Variants in PTBP2 observed in about 807,000 individuals in gnomAD.
PTBP2 encodes polypyrimidine tract-binding protein 2.
A neutral mutation model predicts 61.4 loss-of-function variants in PTBP2; 13 were observed. The ratio of observed to expected loss-of-function variants is 0.21; its 90% CI spans 0.14 to 0.34. The LOEUF (loss-of-function observed/expected upper bound fraction) is 0.34. PTBP2 is among the 10% of genes least tolerant of loss of function. The probability of loss-of-function intolerance (pLI) is 1.00; values close to 1 mark genes in which losing one functional copy is unlikely to be tolerated. For synonymous variants in PTBP2, 215 were observed against 218.5 expected, an observed-to-expected ratio of 0.98 and a Z score of 0.14; for missense variants, 405 against 642.6, an observed-to-expected ratio of 0.63 and a Z score of 4.00.
At position 96,751,552 on chromosome 1, in the gene PTBP2, T is replaced by A. The variant is rs1447019077; in HGVS notation, c.115+52T>A. ...TCATTTGCCATTTTAGGGGGCAGAA[T>A]GTTAAAACTCAAATTTAACCCTGTT... On this transcript the variant is annotated intron_variant, in intron 3 of 13. Transcript: ENST00000674951. The A allele has an allele frequency of 1.4e-5, 19 of 1,367,532 alleles. No individual in the cohort carries two copies. In the East Asian group the frequency reaches 4.4e-4, roughly 32 times the overall value. 84.7% of individuals were successfully genotyped at this position (1,367,532 alleles called of 1,614,324 possible).
intron 5 of PTBP2, among the ~76,000 whole-genome samples, chr1:96,775,513 G>A (rs1470014714): frequency 1.3e-5 from 2 of 152,150 alleles, no homozygotes; most frequent in Non-Finnish European, 2.9e-5. Context: ...ATTATTGGAA[G>A]AAGCCAAACC....
chr1:96,747,869 A>G (rs1377745425), intron 2 of PTBP2, among the ~76,000 whole-genome samples: 1 of 150,426 alleles, frequency 6.6e-6, no homozygotes, highest in Non-Finnish European at 1.5e-5. Context: ...TTTTCCCTGT[A>G]TTTGTGTATT....
chr1:96,763,399 A>C (rs974258571), intron 3 of PTBP2, among the ~76,000 whole-genome samples: 1 of 151,994 alleles, frequency 6.6e-6, no homozygotes, highest in Non-Finnish European at 1.5e-5. Flanking sequence ...AACACAGCGA[A>C]ACCCCGTCTC....
intron 3 of PTBP2, among the ~76,000 whole-genome samples, chr1:96,764,498 G>A (rs1267040964): frequency 6.6e-6 from 1 of 152,148 alleles, no homozygotes; most frequent in East Asian, 1.9e-4. Context: ...TCTGCCAGTG[G>A]TGATTGTTAC....
chr1:96,750,193 A>T (rs2100905460), intron 2 of PTBP2, among the ~76,000 whole-genome samples: 1 of 152,080 alleles, frequency 6.6e-6, no homozygotes. Flanking sequence ...TAGGGACCAC[A>T]CTTTGAGAAT....
intron 11 of PTBP2, among the ~76,000 whole-genome samples, chr1:96,807,298 G>A (rs180793906): frequency 2.2e-4 from 34 of 152,242 alleles, no homozygotes; most frequent in Non-Finnish European, 4.4e-4. Flanking sequence ...TGTTCATACA[G>A]TCCATAGAAT....
intron 5 of PTBP2, 32 bp from the exon 6 acceptor site, chr1:96,777,553 A>G (rs930671809): frequency 1.0e-5 from 16 of 1,570,024 alleles, no homozygotes; most frequent in Non-Finnish European, 1.4e-5. Flanking sequence ...AATAATGGGT[A>G]TGTTTCTAAA....
Position 96,802,211 on chromosome 1 carries a change from GAAAAAAAA to G in PTBP2, c.905-2574_905-2567del, listed in dbSNP as rs5776325. 8.5e-3 allele frequency among the ~76,000 whole-genome samples: 461 copies of G among 54,032 alleles called. 3 individuals carry two copies. Among genetic ancestry groups the G allele is most frequent in the Non-Finnish European group, 0.012 (374 of 30,850 alleles). 35.4% of individuals were successfully genotyped at this position (54,032 alleles called of 152,430 possible). Reference sequence around the variant, plus strand: ...GAGAGACACAGCGAGACTCCGTCTCGAAAAAAAAAAAAAAAAAAAAAAGAACCCACATT... The same window carrying G: ...GAGAGACACAGCGAGACTCCGTCTCGAAAAAAAAAAAAAAGAACCCACATT... On this transcript the variant is annotated intron_variant, in intron 8 of 13. Coordinates refer to ENST00000674951, the MANE Select transcript of PTBP2 (RefSeq NM_021190.4).
At chr1:96,810,842 A>T (rs1326672581) in intron 11 of PTBP2, among the ~76,000 whole-genome samples, 1 of 152,306 alleles carries the variant, frequency 6.6e-6, no homozygotes, top group Non-Finnish European at 1.5e-5. Context: ...AAAGGATTTT[A>T]TGTACTGTCA....
chr1:96,773,080 C>T (rs887453969), intron 5 of PTBP2, among the ~76,000 whole-genome samples: 10 of 140,616 alleles, frequency 7.1e-5, no homozygotes, highest in African/African-American at 1.1e-4. Context: ...ATCCCAGATG[C>T]GTCACTGCAC....
chr1:96,722,443 G>T (rs1490316062), intron 1 of PTBP2, among the ~76,000 whole-genome samples: 3 of 152,058 alleles, frequency 2.0e-5, no homozygotes, highest in African/African-American at 4.8e-5. Flanking sequence ...GCTGGGGAAG[G>T]GGGGAGGGCG....
At chr1:96,755,532 G>T (rs1163553307) in intron 3 of PTBP2, among the ~76,000 whole-genome samples, 1 of 152,178 alleles carries the variant, frequency 6.6e-6, no homozygotes, top group Admixed American at 6.5e-5. Context: ...TCATGTTAAT[G>T]TTCATAGCCA....
chr1:96,761,062 T>C (rs1655784335), intron 3 of PTBP2, among the ~76,000 whole-genome samples: 1 of 152,192 alleles, frequency 6.6e-6, no homozygotes, highest in African/African-American at 2.4e-5. Context: ...GAGTACATAG[T>C]GTGATTCCAT....
intron 2 of PTBP2, among the ~76,000 whole-genome samples, chr1:96,739,457 C>T (rs1333976597): frequency 6.6e-6 from 1 of 152,004 alleles, no homozygotes; most frequent in Non-Finnish European, 1.5e-5. Flanking sequence ...TTTTAAAACT[C>T]CCTCTTTTGT....
intron 7 of PTBP2, among the ~76,000 whole-genome samples, chr1:96,781,087 C>A (rs1658612453): frequency 6.6e-6 from 1 of 152,032 alleles, no homozygotes; most frequent in South Asian, 2.1e-4. Flanking sequence ...CTTCTAGCAA[C>A]AGTATGCTTA....
At chr1:96,820,068 G>A (rs992887803) in exon 14 of PTBP2, 1 of 151,902 alleles carries the variant, frequency 6.6e-6, no homozygotes, top group East Asian at 1.9e-4. Flanking sequence ...AAAAAGCATA[G>A]ACATTGACAT....
At chr1:96,749,143 A>G (rs1350531213) in intron 2 of PTBP2, among the ~76,000 whole-genome samples, 1 of 152,172 alleles carries the variant, frequency 6.6e-6, no homozygotes, top group African/African-American at 2.4e-5. Context: ...AAAAAGATGC[A>G]TTGCAGGAAG....
intron 1 of PTBP2, among the ~76,000 whole-genome samples, chr1:96,722,858 A>G (rs979145552): frequency 6.6e-6 from 1 of 152,232 alleles, no homozygotes; most frequent in Admixed American, 6.5e-5. Context: ...TTCACACCTG[A>G]AAAGACTCAG....
intron 7 of PTBP2, among the ~76,000 whole-genome samples, chr1:96,778,695 A>G (rs935726737): frequency 6.6e-6 from 1 of 152,130 alleles, no homozygotes; most frequent in South Asian, 2.1e-4. Context: ...ACCATTTAAT[A>G]AGCTTACATT....
Sources: gnomAD v4.1 joint callset for allele counts (sites outside exome capture counted in the v4.1 genomes callset) on GRCh38, gnomAD v4.1.1 for gene constraint, MANE v1.5 for transcripts, NCBI Gene and HGNC (gene_info 2026-07-23, HGNC 2026-07-21) for gene names.